The following GRM8 variants were observed in gnomAD, a reference collection of about 807,000 sequenced individuals.
GRM8 encodes the protein glutamate metabotropic receptor 8.
Under a neutral mutation model 87.2 loss-of-function variants are expected in GRM8, and 47 were observed. That is an observed-to-expected ratio of 0.54 (90% confidence interval 0.43 to 0.69). The LOEUF (loss-of-function observed/expected upper bound fraction) is 0.69. Ranked by LOEUF, GRM8 falls within the 30% of genes least tolerant of loss-of-function variation. The probability of loss-of-function intolerance (pLI) is 0.00; values close to 1 mark genes in which losing one functional copy is unlikely to be tolerated. For missense variants in GRM8, 1,019 were observed against 1,139.2 expected (o/e 0.89, Z 1.52); for synonymous variants, 396 against 404.5 (o/e 0.98, Z 0.25).
intron 6 of GRM8, among the ~76,000 whole-genome samples, chr7:126,889,061 AT>A (rs1229960917): frequency 1.3e-5 from 2 of 152,118 alleles, no homozygotes; most frequent in African/African-American, 4.8e-5. Context: ...GGAAAGGTGC[AT>A]AAAGAGATAA....
chr7:126,498,083 C>T (rs554371904), intron 9 of GRM8, among the ~76,000 whole-genome samples: 1 of 151,996 alleles, frequency 6.6e-6, no homozygotes, highest in African/African-American at 2.4e-5. Context: ...AACTCAGACA[C>T]AAGTCTCCAA....
intron 3 of GRM8, among the ~76,000 whole-genome samples, chr7:126,990,160 G>C (rs1413199417): frequency 6.6e-6 from 1 of 151,996 alleles, no homozygotes; most frequent in African/African-American, 2.4e-5. Flanking sequence ...ACTGTTGTTT[G>C]GCCAACCATA....
At chr7:126,769,097 A>G (rs1585857503) in intron 7 of GRM8, among the ~76,000 whole-genome samples, 2 of 152,176 alleles carry the variant, frequency 1.3e-5, no homozygotes, top group South Asian at 4.1e-4. Flanking sequence ...AAGCCAAACC[A>G]AAAGTATTAG....
intron 3 of GRM8, among the ~76,000 whole-genome samples, chr7:127,037,166 T>C (rs1342460075): frequency 1.3e-5 from 2 of 152,192 alleles, no homozygotes; most frequent in South Asian, 2.1e-4. Flanking sequence ...GTTTGAATCA[T>C]AGATCCCTTT....
At chr7:126,709,737 T>C (rs1810910143) in intron 7 of GRM8, among the ~76,000 whole-genome samples, 1 of 152,194 alleles carries the variant, frequency 6.6e-6, no homozygotes, top group Non-Finnish European at 1.5e-5. Context: ...ATTGTAGCAT[T>C]ATTTACAATA....
rs575153187 is a variant in GRM8, at chr7:126,454,766, C to T, written c.2431-8394G>A. 3.3e-5 allele frequency among the ~76,000 whole-genome samples: 5 copies of T among 151,714 alleles called. No individual in the cohort carries two copies. In the South Asian group the frequency reaches 1.0e-3, roughly 32 times the overall value. On this transcript the variant is annotated intron_variant, in intron 9 of 10. Transcript: ENST00000339582. ...CACAAGACACACAGAAGGAAAATCA[C>T]GTGATAACACAGGGAAAAGATGGCC...
chr7:127,165,374 A>G (rs1188462473), intron 2 of GRM8, among the ~76,000 whole-genome samples: 2 of 151,658 alleles, frequency 1.3e-5, no homozygotes, highest in African/African-American at 4.8e-5. Context: ...CCTCTTAAAT[A>G]TATATCAAAA....
intron 2 of GRM8, among the ~76,000 whole-genome samples, chr7:127,204,810 A>G (rs991045886): frequency 6.6e-6 from 1 of 152,182 alleles, no homozygotes; most frequent in East Asian, 1.9e-4. Context: ...TATGTTTTCA[A>G]TGCAACCCAG....
At chr7:127,152,312 T>C (rs1792437007) in intron 2 of GRM8, among the ~76,000 whole-genome samples, 1 of 152,042 alleles carries the variant, frequency 6.6e-6, no homozygotes, top group South Asian at 2.1e-4. Flanking sequence ...GGTAAAGCAC[T>C]TGGCACAATA....
intron 9 of GRM8, among the ~76,000 whole-genome samples, chr7:126,528,629 T>C (rs938850174): frequency 6.6e-6 from 1 of 151,974 alleles, no homozygotes; most frequent in African/African-American, 2.4e-5. Flanking sequence ...TGTGTGTGTG[T>C]GTGTGTGTGT....
In GRM8 at chr7:126,528,218, G is replaced by A. The variant is rs967879983; in HGVS notation, c.2430+4734C>T. ...GCAAGACTCCATCTCAAAAAACAAC[G>A]ACAACAACAACAACAACAAAATAAG... On this transcript the variant is annotated intron_variant, in intron 9 of 10. Coordinates refer to ENST00000339582, the MANE Select transcript of GRM8 (RefSeq NM_000845.3). 4.5e-4 allele frequency among the ~76,000 whole-genome samples: 68 copies of A among 151,756 alleles called. 2 individuals carry two copies. Among genetic ancestry groups the A allele is most frequent in the South Asian group, 2.1e-4 (1 of 4,810 alleles).
chr7:127,252,808 C>G lies in GRM8; in HGVS notation c.-323G>C, dbSNP rs959597615. On this transcript the variant is annotated 5_prime_UTR_variant, in exon 1 of 11. Coordinates refer to ENST00000339582, the MANE Select transcript of GRM8 (RefSeq NM_000845.3). This position sits in a 1 kb window ranked among gnomAD's most constrained non-coding sequence, Gnocchi z 4.9. ...GCGGCGAGTCTTACCCTGCTCCCCG[C>G]AGAGGGCGCGGTGAGGAAGCCCGCC... is the stretch of plus-strand genomic sequence containing the variant. The G allele has an allele frequency of 1.0e-5, 2 of 195,722 alleles. No individual in the cohort carries two copies. The highest frequency in any genetic ancestry group is 1.3e-4 in the Admixed American group (2 of 15,570). 12.1% of individuals were successfully genotyped at this position (195,722 alleles called of 1,614,324 possible). A position where few individuals can be genotyped will look rare whatever the true frequency, so the allele number is the denominator to read the frequency against.
chr7:127,120,818 C>A lies in GRM8; in HGVS notation c.511-14106G>T, dbSNP rs17866781. Among the ~76,000 whole-genome samples the A allele has an allele frequency of 7.4e-3, 1,121 of 152,250 alleles. 16 individuals are homozygous for A. Among genetic ancestry groups the A allele is most frequent in the African/African-American group, 0.026 (1,076 of 41,558 alleles). On this transcript the variant is annotated intron_variant, in intron 2 of 10. Transcript: ENST00000339582. ...AACATCTCCTGATCATTAGAAATTT[C>A]TTTTCAAAAATATTCTGCATCCAAA...
At chr7:126,797,078 G>C (rs1822035251) in intron 6 of GRM8, among the ~76,000 whole-genome samples, 1 of 152,026 alleles carries the variant, frequency 6.6e-6, no homozygotes, top group African/African-American at 2.4e-5. Context: ...AAAAATAAAA[G>C]TTCAAACTGA....
At chr7:126,835,087 A>T (rs959284157) in intron 6 of GRM8, among the ~76,000 whole-genome samples, 13 of 47,962 alleles carry the variant, frequency 2.7e-4, no homozygotes, top group Admixed American at 4.1e-4. Flanking sequence ...AAAAAAAAAT[A>T]AAAAAAAAAA....
At position 127,106,745 on chromosome 7, in the gene GRM8, T is replaced by G. The variant is rs771105985; in HGVS notation, c.511-33A>C. On this transcript the variant is annotated intron_variant, in intron 2 of 10. Coordinates refer to ENST00000339582, the MANE Select transcript of GRM8 (RefSeq NM_000845.3). ...ACAAATGATGGGTCATTTCAACCCA[T>G]GACGAATCTTGAAGAATGATGGATT... is the stretch of plus-strand genomic sequence containing the variant. 3 of 1,419,236 alleles carry G rather than the reference T, an allele frequency of 2.1e-6. No homozygotes were observed. In the South Asian group the frequency reaches 3.5e-5, roughly 16 times the overall value. The allele number at this position is 1,419,236 out of a possible 1,614,324, so 87.9% of individuals were successfully genotyped here. A position where few individuals can be genotyped will look rare whatever the true frequency, so the allele number is the denominator to read the frequency against.
At chr7:126,667,006 A>C (rs1269013354) in intron 7 of GRM8, among the ~76,000 whole-genome samples, 1 of 152,194 alleles carries the variant, frequency 6.6e-6, no homozygotes, top group Non-Finnish European at 1.5e-5. Context: ...TTCAAAATAT[A>C]GCTGGTCTCA....
chr7:126,445,218 C>G (rs1801890778), intron 10 of GRM8: 1 of 152,042 alleles, frequency 6.6e-6, no homozygotes, highest in Non-Finnish European at 1.5e-5. Context: ...AGACTGGAAG[C>G]CACTCTAATA....
chr7:126,561,781 C>A (rs1271531003), intron 8 of GRM8, among the ~76,000 whole-genome samples: 1 of 107,154 alleles, frequency 9.3e-6, no homozygotes, highest in Non-Finnish European at 1.8e-5. Flanking sequence ...CCCCCCTCCC[C>A]CCACCCCACA....
Sources: allele counts gnomAD v4.1 joint callset (sites outside exome capture counted in the v4.1 genomes callset), GRCh38; gene constraint gnomAD v4.1.1; non-coding constraint Gnocchi (gnomAD v3.1); transcripts MANE v1.5; gene names NCBI Gene and HGNC (gene_info 2026-07-23, HGNC 2026-07-21).